Variants in ZNF630 observed in about 807,000 individuals in gnomAD.
ZNF630 encodes dJ54B20.2 (novel KRAB box containing C2H2 type zinc finger protein).
Under a neutral mutation model 7.2 loss-of-function variants are expected in ZNF630, and 5 were observed. The observed-to-expected ratio is 0.70, with a 90% confidence interval of 0.36 to 1.46. ZNF630 has a LOEUF of 1.46. Ranked by LOEUF, ZNF630 falls within the 40% of genes most tolerant of loss-of-function variation. The probability of loss-of-function intolerance (pLI) is 0.03; values close to 1 mark genes in which losing one functional copy is unlikely to be tolerated. For synonymous variants in ZNF630, 158 were observed against 162.8 expected (o/e 0.97, Z 0.23); for missense variants, 461 against 477.0 (o/e 0.97, Z 0.31).
rs782203162 is a variant in ZNF630 at position 48,060,077 on chromosome X, T to C, written c.365A>G (p.Asp122Gly). 5 of 1,199,182 alleles carry C rather than the reference T, an allele frequency of 4.2e-6. No individual in the cohort carries two copies. In the East Asian group the frequency reaches 1.5e-4, roughly 36 times the overall value. ...LYSVLKIWHIDNQMDRYQGNQ... is the reference protein window; with the variant it reads ...LYSVLKIWHIGNQMDRYQGNQ... ...TCCTTGATATCTATCCATCTGATTA[T>C]CAATATGCCAGATTTTTAAAACAGA... is the stretch of plus-strand genomic sequence containing the variant. The change falls in exon 5 of 5, where the codon GAT (aspartate) becomes GGT (glycine). Residue 122 changes from aspartate to glycine, a missense_variant. Transcript: ENST00000276054.
At chrX:48,068,446 A>G (rs1297529737) in intron 1 of ZNF630, among the ~76,000 whole-genome samples, 2 of 111,639 alleles carry the variant, frequency 1.8e-5, no homozygotes, top group Non-Finnish European at 3.8e-5. Context: ...CAGCCCTGCC[A>G]TTGCAGGTTG....
rs1450989527 is a variant in ZNF630, at chrX:48,069,849, T to G, written c.-176+1418A>C. On this transcript the variant is annotated intron_variant, in intron 1 of 4. Coordinates refer to ENST00000276054, the MANE Select transcript of ZNF630 (RefSeq NM_001282201.2). ...TCCACAGGACATTGTCTGTTTTTTT[T>G]TTTTTTGTTTTTTGTTTTTTGTTTT... is the stretch of plus-strand genomic sequence containing the variant. Among the ~76,000 whole-genome samples the G allele has an allele frequency of 3.5e-3, 220 of 62,562 alleles. 2 individuals carry two copies. The highest frequency in any genetic ancestry group is 0.011 in the African/African-American group (210 of 19,873). The allele number at this position is 62,562 out of a possible 115,157, so 54.3% of individuals were successfully genotyped here.
Position 48,058,385 on chromosome X carries a change from T to C in ZNF630, c.*83A>G. The C allele has an allele frequency of 1.0e-6, 1 of 963,287 alleles. No homozygotes were observed. The allele number at this position is 963,287 out of a possible 1,213,427, so 79.4% of individuals were successfully genotyped here. ...GGAACATATTAGTCTATTCTACAGT[T>C]GAGAAGTTGTCACTATTTCTATTCA... On this transcript the variant is annotated 3_prime_UTR_variant, in exon 5 of 5. Transcript: ENST00000276054.
At chrX:48,060,673 A>G (rs1190072395) in intron 3 of ZNF630, 128 bp from the exon 4 acceptor site, 1 of 901,747 alleles carries the variant, frequency 1.1e-6, no homozygotes, top group African/African-American at 2.0e-5. Flanking sequence ...TAAATTCTAG[A>G]TATAACAAAA....
In ZNF630 at chrX:48,058,821, TC is replaced by T. The variant is rs1556908330; in HGVS notation, c.1620del (p.Lys541AsnfsTer14). 8.3e-7 allele frequency: 1 copy of T among 1,203,630 alleles called. No homozygotes were observed. The part of the protein sequence containing the change: ...LIIHLRVHTG[E>X]KPYECTECGR... ...CCACACTCAGTACACTCATAAGGTT[TC>T]TCCCCTGTGTGAACTCTCAGATGAA... On this transcript the variant is annotated frameshift_variant, in exon 5 of 5. Transcript: ENST00000276054. LOFTEE classifies it low-confidence loss of function (END_TRUNC).
chrX:48,069,242 GAA>G (rs781983731), intron 1 of ZNF630, among the ~76,000 whole-genome samples: 1 of 67,771 alleles, frequency 1.5e-5, no homozygotes, highest in Admixed American at 1.6e-4. Flanking sequence ...CCCTGTCAAA[GAA>G]AAAAAAAAAG....
intron 1 of ZNF630, among the ~76,000 whole-genome samples, chrX:48,069,352 G>GCAAAA (rs200098405): frequency 0.024 from 2,630 of 109,791 alleles, 51 homozygotes; most frequent in Middle Eastern, 0.07. Flanking sequence ...GTTCTTGGAG[G>GCAAAA]CAAAACAAAA....
At chrX:48,069,855 TG>T (rs1428166636) in intron 1 of ZNF630, among the ~76,000 whole-genome samples, 3 of 99,292 alleles carry the variant, frequency 3.0e-5, no homozygotes, top group African/African-American at 7.2e-5. Context: ...TTTTTTTTTT[TG>T]TTTTTTGTTT....
chrX:48,060,990 T>C, intron 2 of ZNF630, 45 bp from the exon 3 acceptor site: 1 of 1,145,297 alleles, frequency 8.7e-7, no homozygotes, highest in Non-Finnish European at 1.2e-6. Context: ...CTGGTCATTT[T>C]TACCATAGCA....
At chrX:48,062,483 C>T (rs2059109757) in intron 2 of ZNF630, among the ~76,000 whole-genome samples, 1 of 112,684 alleles carries the variant, frequency 8.9e-6, no homozygotes, top group African/African-American at 3.2e-5. Flanking sequence ...CCTGTAATCC[C>T]AGCCCTTGGG....
intron 2 of ZNF630, chrX:48,066,618 T>C: frequency 2.6e-6 from 1 of 380,105 alleles, no homozygotes; most frequent in South Asian, 5.2e-5. Flanking sequence ...TGATTTCTTT[T>C]TGTGGAGAAT....
chrX:48,059,587 A>G lies in ZNF630; in HGVS notation c.855T>C (p.His285=), dbSNP rs781891650. 8 of 1,208,451 alleles carry G rather than the reference A, an allele frequency of 6.6e-6. No homozygotes were observed. Among genetic ancestry groups the G allele is most frequent in the South Asian group, 1.8e-5 (1 of 56,846 alleles). Residue 285 remains histidine, a synonymous_variant, in exon 5 of 5, where the codon CAT becomes CAC. Transcript: ENST00000276054. The part of the protein sequence containing the change: ...KSQLIIHQRI[H]TGEKPYVCGD... ...CACATACATATGGTTTCTCTCCAGT[A>G]TGAATTCTTTGATGTATAATGAGCT...
At chrX:48,067,692 T>C (rs2059137083) in intron 1 of ZNF630, among the ~76,000 whole-genome samples, 1 of 110,647 alleles carries the variant, frequency 9.0e-6, no homozygotes, top group Non-Finnish European at 1.9e-5. Context: ...TCCCAGCATG[T>C]TGGGAGGCGG....
rs1556909573 is a variant in ZNF630, at chrX:48,063,659, G to T, written c.16-2714C>A. Among the ~76,000 whole-genome samples the T allele has an allele frequency of 2.7e-5, 3 of 110,860 alleles. 1 individual carries two copies. The East Asian group carries it at 8.4e-4, about 31-fold the overall frequency. ...TCCCAGCACTTTGGGAGGCCAAGGT[G>T]GGCAGATCACTTGAGGTCAGGAGTT... is the stretch of plus-strand genomic sequence containing the variant. On this transcript the variant is annotated intron_variant, in intron 2 of 4. Coordinates refer to ENST00000276054, the MANE Select transcript of ZNF630 (RefSeq NM_001282201.2).
In ZNF630 at chrX:48,059,608, G is replaced by A; in HGVS notation, c.834C>T (p.Leu278=). The part of the protein sequence containing the change: ...CGKAFIKKSQ[L]IIHQRIHTGE... ...CAGTATGAATTCTTTGATGTATAAT[G>A]AGCTGTGACTTCTTGATAAAGGCTT... is the stretch of plus-strand genomic sequence containing the variant. Residue 278 remains leucine, a synonymous_variant, in exon 5 of 5, where the codon CTC becomes CTT. Coordinates refer to ENST00000276054, the MANE Select transcript of ZNF630 (RefSeq NM_001282201.2). The A allele has an allele frequency of 2.5e-6, 3 of 1,208,428 alleles. No homozygotes were observed. Among genetic ancestry groups the A allele is most frequent in the East Asian group, 3.0e-5 (1 of 33,777 alleles).
intron 2 of ZNF630, among the ~76,000 whole-genome samples, chrX:48,063,895 T>A (rs12391916): frequency 0.048 from 5,321 of 109,974 alleles, 136 homozygotes; most frequent in Middle Eastern, 0.093. Flanking sequence ...CTCAAAAAAA[T>A]ATATATATAT....
At position 48,059,712 on chromosome X, in the gene ZNF630, G is replaced by T. The variant is rs2059092647; in HGVS notation, c.730C>A (p.Leu244Ile). The change falls in exon 5 of 5, where the codon CTC (leucine) becomes ATC (isoleucine). Residue 244 changes from leucine to isoleucine, a missense_variant. By Grantham distance (5) the Leu-to-Ile change is conservative. Transcript: ENST00000276054. ...PYGDSQCEKVLSHKQAHVQYK... is the reference protein window; with the variant it reads ...PYGDSQCEKVISHKQAHVQYK... Reference sequence around the variant, plus strand: ...TGAACATGGGCTTGCTTATGACTGAGAACTTTTTCACATTGACTATCTCCA... The same window carrying T: ...TGAACATGGGCTTGCTTATGACTGATAACTTTTTCACATTGACTATCTCCA... 1 of 1,208,196 alleles carries T rather than the reference G, an allele frequency of 8.3e-7. No individual in the cohort carries two copies. Among genetic ancestry groups the T allele is most frequent in the Admixed American group, 2.2e-5 (1 of 45,863 alleles).
In ZNF630 at chrX:48,070,611, T is replaced by TAAA. The variant is rs782104749; in HGVS notation, c.-176+653_-176+655dup. ...CTGGGCGACAGAGTGAGACTTCGTCTAAAAAAAAAAAAAAAAAAAAAAATT... is the reference window on the plus strand; with the variant it reads ...CTGGGCGACAGAGTGAGACTTCGTCTAAAAAAAAAAAAAAAAAAAAAAAAAATT... On this transcript the variant is annotated intron_variant, in intron 1 of 4. Coordinates refer to ENST00000276054, the MANE Select transcript of ZNF630 (RefSeq NM_001282201.2). Among the ~76,000 whole-genome samples, 71 of 65,888 alleles carry TAAA rather than the reference T, an allele frequency of 1.1e-3. 1 individual carries two copies. Among genetic ancestry groups the TAAA allele is most frequent in the South Asian group, 2.0e-3 (2 of 981 alleles). 57.2% of individuals were successfully genotyped at this position (65,888 alleles called of 115,157 possible).
chrX:48,069,841 G>GTTTTTTTTTTTTTTTTTTTT (rs1210374790), intron 1 of ZNF630, among the ~76,000 whole-genome samples: 2 of 41,132 alleles, frequency 4.9e-5, no homozygotes, highest in African/African-American at 6.1e-5. Context: ...GACATTGTCT[G>GTTTTTTTTTTTTTTTTTTTT]TTTTTTTTTT....
Sources: gnomAD v4.1 joint callset for allele counts (sites outside exome capture counted in the v4.1 genomes callset) on GRCh38, gnomAD v4.1.1 for gene constraint, MANE v1.5 for transcripts, NCBI Gene and HGNC (gene_info 2026-07-23, HGNC 2026-07-21) for gene names.